UIMC1: variants seen among roughly 807,000 people sequenced by gnomAD.
The protein encoded by UIMC1 is BRCA1-A complex subunit RAP80.
Under a neutral mutation model 84.9 loss-of-function variants are expected in UIMC1, and 42 were observed. The observed-to-expected ratio is 0.49, with a 90% CI of 0.39 to 0.64. UIMC1 has a LOEUF of 0.64. Ranked by LOEUF, UIMC1 falls within the 30% of genes least tolerant of loss-of-function variation. The pLI is 0.00. For missense variants in UIMC1, 825 were observed against 847.6 expected (o/e 0.97, Z 0.33); for synonymous variants, 281 against 293.0 (o/e 0.96, Z 0.42).
At chr5:177,005,905 G>A (rs1296924933) in intron 1 of UIMC1, among the ~76,000 whole-genome samples, 3 of 152,204 alleles carry the variant, frequency 2.0e-5, no homozygotes, top group Non-Finnish European at 4.4e-5. Flanking sequence ...CGCCGGCTGT[G>A]GCGCTCGAGA....
intron 1 of UIMC1, among the ~76,000 whole-genome samples, chr5:176,984,559 C>T (rs1406311729): frequency 3.3e-5 from 5 of 151,864 alleles, no homozygotes; most frequent in Admixed American, 1.3e-4. Flanking sequence ...TCTGCCCGGC[C>T]GCCCCATCTG....
In UIMC1 at chr5:176,968,791, C is replaced by A; in HGVS notation, c.964G>T (p.Glu322Ter). 1 of 1,614,148 alleles carries A rather than the reference C, an allele frequency of 6.2e-7. No individual in the cohort carries two copies. Among genetic ancestry groups the A allele is most frequent in the South Asian group, 1.1e-5 (1 of 91,084 alleles). ...RQLLNKKGFG[E>*]PVLPRPPSLI... ...GAAGGAGGTCTAGGTAACACTGGTT[C>A]CCCAAAACCTTTTTTATTAAGGAGC... The change falls in exon 6 of 15, where the codon GAA becomes TAA. Residue 322 changes from glutamate to a stop codon, truncating the protein, a stop_gained. Coordinates refer to ENST00000511320, the MANE Select transcript of UIMC1 (RefSeq NM_001199298.2). LOFTEE classifies it high-confidence loss of function.
chr5:176,956,729 C>T (rs1435711841), intron 7 of UIMC1, among the ~76,000 whole-genome samples: 2 of 151,618 alleles, frequency 1.3e-5, no homozygotes, highest in African/African-American at 4.8e-5. Flanking sequence ...CAGGGCTTTA[C>T]GATTAGTTTG....
intron 1 of UIMC1, among the ~76,000 whole-genome samples, chr5:176,993,018 T>C (rs926370208): frequency 6.6e-6 from 1 of 151,510 alleles, no homozygotes; most frequent in African/African-American, 2.4e-5. Flanking sequence ...AAACCCCATC[T>C]CTACTAAAAA....
At chr5:176,975,053 C>CT (rs1245860494) in intron 3 of UIMC1, among the ~76,000 whole-genome samples, 3 of 151,854 alleles carry the variant, frequency 2.0e-5, no homozygotes, top group Non-Finnish European at 4.4e-5. Context: ...AGGAGAATCA[C>CT]TTGAGCCAAT....
At chr5:176,937,141 G>A (rs1228432871) in intron 10 of UIMC1, among the ~76,000 whole-genome samples, 1 of 152,170 alleles carries the variant, frequency 6.6e-6, no homozygotes, top group Non-Finnish European at 1.5e-5. Flanking sequence ...CAAAGGCAAC[G>A]TGCATTTGTT....
chr5:176,973,078 G>A (rs1769514034), intron 3 of UIMC1, among the ~76,000 whole-genome samples: 2 of 151,982 alleles, frequency 1.3e-5, no homozygotes, highest in Non-Finnish European at 2.9e-5. Context: ...ACCAGGCCCG[G>A]CTAATTTTTG....
Position 176,943,434 on chromosome 5 carries a change from T to C in UIMC1, c.1498A>G (p.Ser500Gly), listed in dbSNP as rs894108835. Reference sequence around the variant, plus strand: ...CATAGCGGGCAGGATACCTGGTTACTGGATGAGAAGGTAGAAATAGCTACT... The same window carrying C: ...CATAGCGGGCAGGATACCTGGTTACCGGATGAGAAGGTAGAAATAGCTACT... ...KEVAISTFSS[S>G]NQVSCPLCDQ... Residue 500 changes from serine to glycine, a missense_variant, in exon 10 of 15, where the codon AGT (serine) becomes GGT (glycine). By Grantham distance (56) the Ser-to-Gly change is moderately conservative. Coordinates refer to ENST00000511320, the MANE Select transcript of UIMC1 (RefSeq NM_001199298.2). 1.9e-6 allele frequency: 3 copies of C among 1,614,198 alleles called. No homozygotes were observed. The highest frequency in any genetic ancestry group is 2.5e-6 in the Non-Finnish European group (3 of 1,180,026).
At position 176,905,206 on chromosome 5, in the gene UIMC1, T is replaced by A; in HGVS notation, c.*76A>T. 6.7e-7 allele frequency: 1 copy of A among 1,500,698 alleles called. No homozygotes were observed. The highest frequency in any genetic ancestry group is 1.2e-5 in the South Asian group (1 of 80,436). 93.0% of individuals were successfully genotyped at this position (1,500,698 alleles called of 1,614,324 possible). On this transcript the variant is annotated 3_prime_UTR_variant, in exon 15 of 15. Transcript: ENST00000511320. ...GGCTAAAACTTGCTCAACAATGAAC[T>A]AGGGACCACTATGGCTTAATGAACA...
intron 1 of UIMC1, among the ~76,000 whole-genome samples, chr5:177,012,964 C>T (rs544656680): frequency 2.6e-5 from 4 of 151,784 alleles, no homozygotes; most frequent in African/African-American, 7.3e-5. Flanking sequence ...GCCTATAGTC[C>T]TAGCTACTTT....
chr5:176,988,732 G>T (rs574047033), intron 1 of UIMC1, among the ~76,000 whole-genome samples: 1 of 142,528 alleles, frequency 7.0e-6, no homozygotes, highest in East Asian at 2.0e-4. Context: ...TTGCCAGGCT[G>T]GAGTGCAGTG....
chr5:176,954,539 A>C (rs1766332878), intron 8 of UIMC1, among the ~76,000 whole-genome samples: 1 of 152,086 alleles, frequency 6.6e-6, no homozygotes, highest in South Asian at 2.1e-4. Flanking sequence ...GTTTAAGGTC[A>C]GCCTGGGAAA....
chr5:176,917,439 G>T (rs1006941610), intron 10 of UIMC1, among the ~76,000 whole-genome samples: 1 of 152,158 alleles, frequency 6.6e-6, no homozygotes, highest in Admixed American at 6.5e-5. Context: ...GGGCTTGGTG[G>T]TGAGTGCCTG....
chr5:176,980,397 C>G (rs891392184), intron 2 of UIMC1: 2 of 152,138 alleles, frequency 1.3e-5, no homozygotes, highest in African/African-American at 4.8e-5. Context: ...GGACCTAACA[C>G]AGACATTAAG....
intron 1 of UIMC1, among the ~76,000 whole-genome samples, chr5:176,983,611 G>C (rs1247127297): frequency 1.3e-5 from 2 of 152,104 alleles, no homozygotes; most frequent in African/African-American, 2.4e-5. Flanking sequence ...CGCCTGCCTT[G>C]GCCTCCCAAA....
At chr5:176,964,230 T>C (rs542087039) in intron 6 of UIMC1, among the ~76,000 whole-genome samples, 35 of 152,298 alleles carry the variant, frequency 2.3e-4, no homozygotes, top group Non-Finnish European at 4.3e-4. Flanking sequence ...AAGCAAAAGA[T>C]TGAGAGGTAA....
intron 8 of UIMC1, among the ~76,000 whole-genome samples, chr5:176,953,690 G>T (rs888922045): frequency 6.6e-6 from 1 of 152,114 alleles, no homozygotes; most frequent in Non-Finnish European, 1.5e-5. Context: ...TTCTGTGAAT[G>T]GCTGAAATGT....
At position 176,905,302 on chromosome 5, in the gene UIMC1, C is replaced by T. The variant is rs1323061097; in HGVS notation, c.2140G>A (p.Gly714Arg). 4 of 1,614,024 alleles carry T rather than the reference C, an allele frequency of 2.5e-6. No homozygotes were observed. The highest frequency in any genetic ancestry group is 2.5e-6 in the Non-Finnish European group (3 of 1,179,924). The change falls in exon 15 of 15, where the codon GGA (glycine) becomes AGA (arginine). Residue 714 changes from glycine (G) to arginine (R), a missense_variant. Gly to Arg is a moderately radical substitution (Grantham distance 125, BLOSUM62 -2). Coordinates refer to ENST00000511320, the MANE Select transcript of UIMC1 (RefSeq NM_001199298.2). ...GAAATTCAGAATTTTCTCCTTCTTC[C>T]TCTGCCAGCTTTGGTCCGTGTCCGA... ...GSRTRTKAGR[G>R]RRRKF
rs34922824 is a variant in UIMC1 at position 176,986,538 on chromosome 5, C to CAAAAAA, written c.-8-3921_-8-3916dup. ...GGGCAACAGAGCAAGACCCTGTCTC[C>CAAAAAA]AAAAAAAAAAAAAAAAAAAGGCTGG... On this transcript the variant is annotated intron_variant, in intron 1 of 14. Transcript: ENST00000511320. Among the ~76,000 whole-genome samples the CAAAAAA allele has an allele frequency of 3.0e-4, 24 of 79,376 alleles. 1 individual carries two copies. Among genetic ancestry groups the CAAAAAA allele is most frequent in the African/African-American group, 1.1e-3 (19 of 17,070 alleles). 52.1% of individuals were successfully genotyped at this position (79,376 alleles called of 152,430 possible).
Sources: gnomAD v4.1 joint callset for allele counts (sites outside exome capture counted in the v4.1 genomes callset) on GRCh38, gnomAD v4.1.1 for gene constraint, MANE v1.5 for transcripts, NCBI Gene and HGNC (gene_info 2026-07-23, HGNC 2026-07-21) for gene names.